OLA1: variants seen among roughly 807,000 people sequenced by gnomAD.
The protein encoded by OLA1 is Obg like ATPase 1, also known as obg-like ATPase 1.
Under a neutral mutation model 48.4 loss-of-function variants are expected in OLA1, and 14 were observed. The observed-to-expected ratio is 0.29, with a 90% confidence interval of 0.19 to 0.45. The LOEUF (loss-of-function observed/expected upper bound fraction) is 0.45, where lower values mean the gene tolerates loss of function less well. Ranked by LOEUF, OLA1 falls within the 20% of genes least tolerant of loss-of-function variation. The pLI is 1.00. For missense variants in OLA1, 325 were observed against 467.1 expected (o/e 0.70, Z 2.80); for synonymous variants, 127 against 150.4 (o/e 0.84, Z 1.14).
At chr2:174,183,790 T>G (rs965345999) in intron 4 of OLA1, among the ~76,000 whole-genome samples, 7 of 152,194 alleles carry the variant, frequency 4.6e-5, no homozygotes, top group African/African-American at 1.7e-4. Flanking sequence ...TAGAAGGCCT[T>G]GCAGAGTCCT....
At chr2:174,246,911 T>C in intron 1 of OLA1, 96 bp from the exon 2 acceptor site, 1 of 718,192 alleles carries the variant, frequency 1.4e-6, no homozygotes, top group African/African-American at 1.8e-5. Context: ...TGAATTAAGA[T>C]TAAGAACAAA....
intron 4 of OLA1, among the ~76,000 whole-genome samples, chr2:174,150,443 C>G (rs975295740): frequency 6.6e-6 from 1 of 152,182 alleles, no homozygotes; most frequent in African/African-American, 2.4e-5. Flanking sequence ...TACTCAGTCT[C>G]AGGTATTCAG....
At chr2:174,094,515 C>G (rs912953570) in intron 7 of OLA1, among the ~76,000 whole-genome samples, 1 of 152,150 alleles carries the variant, frequency 6.6e-6, no homozygotes, top group Non-Finnish European at 1.5e-5. Context: ...CTTAACCTCC[C>G]CTCTTTTAAA....
chr2:174,113,092 C>T (rs969260138), intron 7 of OLA1, among the ~76,000 whole-genome samples: 6 of 152,112 alleles, frequency 3.9e-5, no homozygotes, highest in African/African-American at 1.4e-4. Flanking sequence ...AGGTGCCCGC[C>T]ACCAAGCCCA....
At chr2:174,200,927 A>G (rs1687977577) in intron 4 of OLA1, among the ~76,000 whole-genome samples, 1 of 152,196 alleles carries the variant, frequency 6.6e-6, no homozygotes, top group Non-Finnish European at 1.5e-5. Context: ...ATCAATAGTA[A>G]GCATCTACTT....
chr2:174,169,479 T>G (rs1418096585), intron 4 of OLA1, among the ~76,000 whole-genome samples: 17 of 152,082 alleles, frequency 1.1e-4, no homozygotes, highest in Admixed American at 1.1e-3. Flanking sequence ...TCATTAGAAA[T>G]TAAGGACAGA....
At position 174,242,376 on chromosome 2, in the gene OLA1, G is replaced by A. The variant is rs542312743; in HGVS notation, c.101+4339C>T. Among the ~76,000 whole-genome samples the A allele has an allele frequency of 1.4e-4, 22 of 152,228 alleles. No individual in the cohort carries two copies. In the South Asian group the frequency reaches 2.7e-3, roughly 19 times the overall value. ...CCTCTGAGAATCGAATGCTGCTGCT[G>A]ACCTGACCGGAGGTGGAGCTAAGGT... On this transcript the variant is annotated intron_variant, in intron 2 of 10. Transcript: ENST00000284719.
chr2:174,219,785 T>C (rs1688458200), intron 4 of OLA1, among the ~76,000 whole-genome samples: 2 of 152,184 alleles, frequency 1.3e-5, no homozygotes, highest in South Asian at 2.1e-4. Flanking sequence ...CAAAATAAGC[T>C]ACTGGAACAA....
At chr2:174,145,372 C>T (rs1275658667) in intron 4 of OLA1, among the ~76,000 whole-genome samples, 2 of 152,030 alleles carry the variant, frequency 1.3e-5, no homozygotes, top group African/African-American at 4.8e-5. Context: ...TTCACTAGCA[C>T]ACTTTTACCC....
chr2:174,189,116 A>G (rs1476582023), intron 4 of OLA1, among the ~76,000 whole-genome samples: 1 of 152,206 alleles, frequency 6.6e-6, no homozygotes, highest in Non-Finnish European at 1.5e-5. Flanking sequence ...TTTTTAATAC[A>G]CATTATTGAA....
chr2:174,162,533 A>G (rs1687034189), intron 4 of OLA1, among the ~76,000 whole-genome samples: 1 of 152,194 alleles, frequency 6.6e-6, no homozygotes, highest in South Asian at 2.1e-4. Flanking sequence ...AGTATAGTAC[A>G]AAATTGAATA....
intron 7 of OLA1, among the ~76,000 whole-genome samples, chr2:174,105,634 C>G (rs1232953266): frequency 6.6e-6 from 1 of 151,940 alleles, no homozygotes; most frequent in Non-Finnish European, 1.5e-5. Context: ...TAACTGCTAT[C>G]AGAAGAATAA....
In OLA1 at chr2:174,236,214, C is replaced by T. The variant is rs550826172; in HGVS notation, c.102-6763G>A. ...AAATCAGGATAAAAGTCAGTAAATA[C>T]AAATATAGTAATGAGAGATGAAGTA... On this transcript the variant is annotated intron_variant, in intron 2 of 10. Coordinates refer to ENST00000284719, the MANE Select transcript of OLA1 (RefSeq NM_013341.5). Among the ~76,000 whole-genome samples, 3 of 151,582 alleles carry T rather than the reference C, an allele frequency of 2.0e-5. No individual in the cohort carries two copies. The South Asian group carries it at 6.3e-4, about 32-fold the overall frequency.
intron 5 of OLA1, among the ~76,000 whole-genome samples, chr2:174,140,611 A>T (rs1483822707): frequency 6.6e-6 from 1 of 152,022 alleles, no homozygotes; most frequent in Non-Finnish European, 1.5e-5. Context: ...CAGGCGATCC[A>T]CCTGCCTTGG....
intron 4 of OLA1, among the ~76,000 whole-genome samples, chr2:174,158,301 A>G (rs906782021): frequency 6.6e-6 from 1 of 152,050 alleles, no homozygotes; most frequent in African/African-American, 2.4e-5. Flanking sequence ...TCATTCACCT[A>G]GAAATACAGT....
chr2:174,198,763 G>A lies in OLA1; in HGVS notation c.373+24270C>T, dbSNP rs146944687. Among the ~76,000 whole-genome samples the A allele has an allele frequency of 3.5e-3, 539 of 152,156 alleles. 2 individuals are homozygous for A. Among genetic ancestry groups the A allele is most frequent in the African/African-American group, 0.012 (514 of 41,524 alleles). ...ACCACTACACTCCAGCCTGGGTGATGGAGTGAGCCTCTGTCTCAAAATTTC... is the reference window on the plus strand; with the variant it reads ...ACCACTACACTCCAGCCTGGGTGATAGAGTGAGCCTCTGTCTCAAAATTTC... On this transcript the variant is annotated intron_variant, in intron 4 of 10. Coordinates refer to ENST00000284719, the MANE Select transcript of OLA1 (RefSeq NM_013341.5).
At chr2:174,248,179 C>G (rs1288455497) in intron 1 of OLA1, 1 of 161,570 alleles carries the variant, frequency 6.2e-6, no homozygotes, top group African/African-American at 2.4e-5. Flanking sequence ...AAAGTGGGCC[C>G]CACCCCCCAT....
intron 2 of OLA1, among the ~76,000 whole-genome samples, chr2:174,244,802 GT>G (rs557193928): frequency 6.6e-6 from 1 of 151,616 alleles, no homozygotes; most frequent in African/African-American, 2.4e-5. Flanking sequence ...TTTTTGTTGT[GT>G]TTTTTTAAAG....
At chr2:174,243,670 T>C (rs1689060475) in intron 2 of OLA1, among the ~76,000 whole-genome samples, 1 of 152,076 alleles carries the variant, frequency 6.6e-6, no homozygotes, top group African/African-American at 2.4e-5. Flanking sequence ...TAAATTGCAA[T>C]GGAGGGGAAT....
Sources: allele counts gnomAD v4.1 joint callset (sites outside exome capture counted in the v4.1 genomes callset), GRCh38; gene constraint gnomAD v4.1.1; transcripts MANE v1.5; gene names NCBI Gene and HGNC (gene_info 2026-07-23, HGNC 2026-07-21).